RARB: variants seen among roughly 807,000 people sequenced by gnomAD.
RARB encodes the protein retinoic acid receptor beta, also known as HBV-activated protein.
A neutral mutation model predicts 51.9 loss-of-function variants in RARB; 17 were observed. The observed-to-expected ratio is 0.33, with a 90% confidence interval of 0.22 to 0.49. The LOEUF is 0.49. RARB is among the 20% of genes least tolerant of loss of function. RARB has a pLI of 0.99. For synonymous variants in RARB, 215 were observed against 195.4 expected, an observed-to-expected ratio of 1.10 and a Z score of -0.84; for missense variants, 369 against 550.8, an observed-to-expected ratio of 0.67 and a Z score of 3.30.
chr3:24,921,742 T>G (rs1042165072), intron 2 of RARB, among the ~76,000 whole-genome samples: 8 of 152,178 alleles, frequency 5.3e-5, no homozygotes, highest in Non-Finnish European at 1.0e-4. Context: ...AGACTAAATT[T>G]GTCTGGACCT....
At chr3:25,505,543 C>CA (rs1257678850) in intron 3 of RARB, among the ~76,000 whole-genome samples, 1 of 95,990 alleles carries the variant, frequency 1.0e-5, no homozygotes, top group Non-Finnish European at 1.9e-5. Context: ...CTTATTTCTT[C>CA]ATTTTTTTTT....
chr3:24,964,911 C>T (rs1279552014), intron 2 of RARB, among the ~76,000 whole-genome samples: 1 of 152,166 alleles, frequency 6.6e-6, no homozygotes, highest in African/African-American at 2.4e-5. Flanking sequence ...TCTTAGTTCA[C>T]ATCACATAGG....
At chr3:25,458,472 T>G (rs887990056) in intron 1 of RARB, 1 of 152,212 alleles carries the variant, frequency 6.6e-6, no homozygotes, top group Non-Finnish European at 1.5e-5. Context: ...ACAAGCAGTG[T>G]TTTCTTGTTA....
chr3:25,173,979 A>C (rs1396155530), intron 4 of RARB: 1 of 154,560 alleles, frequency 6.5e-6, no homozygotes, highest in African/African-American at 2.4e-5. Context: ...AAGAAAATTA[A>C]CACTCTTTGG....
chr3:25,322,301 G>A (rs1704594421), intron 5 of RARB, among the ~76,000 whole-genome samples: 1 of 152,180 alleles, frequency 6.6e-6, no homozygotes. Context: ...TGATTGTGAT[G>A]AAGAAAAAGA....
At chr3:25,321,607 C>T (rs956790884) in intron 5 of RARB, among the ~76,000 whole-genome samples, 1 of 151,830 alleles carries the variant, frequency 6.6e-6, no homozygotes. Context: ...ATCCCAGCTA[C>T]TCGGGAGGCT....
intron 5 of RARB, among the ~76,000 whole-genome samples, chr3:25,232,324 C>T (rs547195555): frequency 1.0e-3 from 159 of 152,192 alleles, no homozygotes; most frequent in African/African-American, 3.4e-3. Context: ...TGACTTTCCA[C>T]GTAAGTGTTA....
intron 3 of RARB, among the ~76,000 whole-genome samples, chr3:25,061,358 C>A (rs904126978): frequency 1.1e-4 from 16 of 151,592 alleles, no homozygotes; most frequent in Admixed American, 2.0e-4. Context: ...CTATAAATTT[C>A]TTTTATTATA....
chr3:24,894,061 T>C (rs1223871761), intron 2 of RARB, among the ~76,000 whole-genome samples: 1 of 152,216 alleles, frequency 6.6e-6, no homozygotes, highest in African/African-American at 2.4e-5. Flanking sequence ...TTAGAAATTA[T>C]TTCCTATACA....
intron 3 of RARB, among the ~76,000 whole-genome samples, chr3:25,124,615 A>T (rs953163194): frequency 8.5e-5 from 13 of 152,210 alleles, no homozygotes; most frequent in South Asian, 6.2e-4. Context: ...TATTTCAGAA[A>T]TTTTTTCTAA....
intron 2 of RARB, among the ~76,000 whole-genome samples, chr3:25,464,980 G>GT (rs1695358386): frequency 6.6e-6 from 1 of 151,930 alleles, no homozygotes; most frequent in Non-Finnish European, 1.5e-5. Context: ...GGTGCTTACA[G>GT]TTTTTTTCGA....
At chr3:25,174,354 G>A in exon 5 of RARB, 1 of 1,337,084 alleles carries the variant, frequency 7.5e-7, no homozygotes, top group Non-Finnish European at 9.9e-7. Flanking sequence ...CTGGAGTGAT[G>A]TGTTCCTGCT....
At chr3:24,937,445 T>G (rs1364444494) in intron 2 of RARB, among the ~76,000 whole-genome samples, 1 of 152,076 alleles carries the variant, frequency 6.6e-6, no homozygotes, top group Non-Finnish European at 1.5e-5. Flanking sequence ...TTTTCATCCT[T>G]ACTACCCTCT....
intron 5 of RARB, among the ~76,000 whole-genome samples, chr3:25,224,948 A>G (rs889032576): frequency 5.9e-5 from 9 of 152,230 alleles, no homozygotes; most frequent in African/African-American, 2.2e-4. Context: ...CGTTCACAGG[A>G]TTTGTATTCA....
intron 4 of RARB, among the ~76,000 whole-genome samples, chr3:25,132,543 C>A (rs547477194): frequency 3.3e-5 from 5 of 151,910 alleles, no homozygotes; most frequent in African/African-American, 1.2e-4. Context: ...TGTATTATTG[C>A]AATTGATTCT....
intron 5 of RARB, among the ~76,000 whole-genome samples, chr3:25,227,842 C>G (rs1358565643): frequency 6.6e-6 from 1 of 152,060 alleles, no homozygotes; most frequent in East Asian, 1.9e-4. Flanking sequence ...GTTCCATTAT[C>G]CCAGCCAGGT....
chr3:24,936,446 G>A (rs1264981041), intron 2 of RARB, among the ~76,000 whole-genome samples: 1 of 152,142 alleles, frequency 6.6e-6, no homozygotes, highest in Non-Finnish European at 1.5e-5. Flanking sequence ...ATCCAGAAAG[G>A]CATTTTTCAT....
At chr3:25,592,611 GA>G (rs1701654467) in intron 5 of RARB, among the ~76,000 whole-genome samples, 1 of 152,214 alleles carries the variant, frequency 6.6e-6, no homozygotes, top group Non-Finnish European at 1.5e-5. Context: ...GTGAGGCCTA[GA>G]GGCACAGGGC....
intron 5 of RARB, among the ~76,000 whole-genome samples, chr3:25,227,190 T>C (rs538512721): frequency 3.2e-4 from 49 of 152,242 alleles, no homozygotes; most frequent in Non-Finnish European, 5.6e-4. Context: ...TGAAACGATA[T>C]TGAAAAATGA....
Sources: allele counts gnomAD v4.1 joint callset (sites outside exome capture counted in the v4.1 genomes callset), GRCh38; gene constraint gnomAD v4.1.1; transcripts MANE v1.5; gene names NCBI Gene and HGNC (gene_info 2026-07-23, HGNC 2026-07-21).